Variants in CCSER1 observed in about 807,000 individuals in gnomAD.
The protein encoded by CCSER1 is serine-rich coiled-coil domain-containing protein 1.
CCSER1 carries 41 observed loss-of-function variants against 82.0 expected under a neutral mutation model. That is an observed-to-expected ratio of 0.50 (90% CI 0.39 to 0.65). The LOEUF is 0.65. Ranked by LOEUF, CCSER1 falls within the 30% of genes least tolerant of loss-of-function variation. CCSER1 has a pLI of 0.00. For missense variants in CCSER1, 1,119 were observed against 1,064.2 expected, an observed-to-expected ratio of 1.05 and a Z score of -0.72; for synonymous variants, 414 against 383.9, an observed-to-expected ratio of 1.08 and a Z score of -0.92.
At chr4:90,350,151 G>A (rs763980179) in intron 3 of CCSER1, among the ~76,000 whole-genome samples, 1 of 152,112 alleles carries the variant, frequency 6.6e-6, no homozygotes, top group Non-Finnish European at 1.5e-5. Context: ...ATACATGCTA[G>A]AGGGATGACT....
chr4:91,440,419 A>G (rs1272849906), intron 10 of CCSER1, among the ~76,000 whole-genome samples: 2 of 152,216 alleles, frequency 1.3e-5, no homozygotes. Flanking sequence ...GAAACCAATG[A>G]GAACAAAGAA....
chr4:90,131,532 G>A (rs1457272632), intron 1 of CCSER1, among the ~76,000 whole-genome samples: 1 of 152,116 alleles, frequency 6.6e-6, no homozygotes, highest in African/African-American at 2.4e-5. Flanking sequence ...AGTATTAATA[G>A]TGAGCATCTA....
chr4:91,437,975 A>T (rs113391106), intron 10 of CCSER1, among the ~76,000 whole-genome samples: 1 of 152,160 alleles, frequency 6.6e-6, no homozygotes, highest in African/African-American at 2.4e-5. Flanking sequence ...CAAAGCAGCC[A>T]GGAAGCTCGA....
At chr4:90,823,230 T>TAC (rs921320513) in intron 8 of CCSER1, among the ~76,000 whole-genome samples, 26 of 151,494 alleles carry the variant, frequency 1.7e-4, no homozygotes, top group Middle Eastern at 3.5e-3. Context: ...CACACATACA[T>TAC]ACACACACAC....
intron 4 of CCSER1, among the ~76,000 whole-genome samples, chr4:90,424,739 A>G (rs570258223): frequency 2.0e-5 from 3 of 152,270 alleles, no homozygotes; most frequent in Non-Finnish European, 2.9e-5. Flanking sequence ...CTCTTTCCTG[A>G]TGTGCACATA....
intron 9 of CCSER1, among the ~76,000 whole-genome samples, chr4:91,025,657 G>A (rs556002241): frequency 7.2e-5 from 11 of 152,152 alleles, no homozygotes; most frequent in Non-Finnish European, 1.6e-4. Context: ...CTGTGCCAAG[G>A]ACAGCAGGAT....
intron 5 of CCSER1, among the ~76,000 whole-genome samples, chr4:90,598,211 T>C (rs1783579307): frequency 6.6e-6 from 1 of 152,070 alleles, no homozygotes; most frequent in African/African-American, 2.4e-5. Flanking sequence ...ACATAGGACC[T>C]TTGTTCTGTT....
intron 10 of CCSER1, among the ~76,000 whole-genome samples, chr4:91,347,108 A>T (rs1748112773): frequency 6.6e-6 from 1 of 152,070 alleles, no homozygotes; most frequent in Non-Finnish European, 1.5e-5. Flanking sequence ...ATCATTTAGA[A>T]GTTTTATATC....
chr4:90,632,901 A>G (rs1210503302), intron 6 of CCSER1, among the ~76,000 whole-genome samples: 3 of 152,094 alleles, frequency 2.0e-5, no homozygotes, highest in African/African-American at 7.2e-5. Flanking sequence ...CACCTATCAA[A>G]TCAATTTACT....
At chr4:91,470,302 G>A (rs1757190463) in intron 10 of CCSER1, among the ~76,000 whole-genome samples, 1 of 152,098 alleles carries the variant, frequency 6.6e-6, no homozygotes, top group East Asian at 1.9e-4. Flanking sequence ...AAGCTAATAT[G>A]CTAATGGAGA....
intron 1 of CCSER1, among the ~76,000 whole-genome samples, chr4:90,233,013 G>T (rs1168297760): frequency 2.8e-4 from 43 of 151,792 alleles, no homozygotes; most frequent in Non-Finnish European, 3.8e-4. Context: ...GGAACACTTT[G>T]ACACTGTTGG....
intron 4 of CCSER1, among the ~76,000 whole-genome samples, chr4:90,467,845 C>A (rs1034022843): frequency 3.3e-5 from 5 of 152,044 alleles, no homozygotes; most frequent in African/African-American, 1.2e-4. Context: ...GAAGGGGTAC[C>A]ACAGGAGGAT....
chr4:91,507,964 A>G (rs1386353645), intron 10 of CCSER1, among the ~76,000 whole-genome samples: 1 of 148,948 alleles, frequency 6.7e-6, no homozygotes, highest in African/African-American at 2.4e-5. Context: ...TAGTTCTAAT[A>G]AGCTCTTCAT....
chr4:91,035,110 GATAAA>G (rs1741321366), intron 9 of CCSER1, among the ~76,000 whole-genome samples: 2 of 152,130 alleles, frequency 1.3e-5, no homozygotes, highest in South Asian at 4.2e-4. Context: ...AGTGGTCAAA[GATAAA>G]ATAAGAAATA....
chr4:90,787,151 T>C (rs980372630), intron 7 of CCSER1, among the ~76,000 whole-genome samples: 5 of 152,196 alleles, frequency 3.3e-5, no homozygotes, highest in African/African-American at 1.2e-4. Context: ...TAGAACTTAG[T>C]TCTCTTGGAT....
At chr4:91,199,972 T>G (rs1407227868) in intron 10 of CCSER1, among the ~76,000 whole-genome samples, 2 of 152,052 alleles carry the variant, frequency 1.3e-5, no homozygotes, top group African/African-American at 4.8e-5. Flanking sequence ...ATTCAGAGAA[T>G]TGTCTTTTTT....
At chr4:90,156,504 G>A (rs1418924318) in intron 1 of CCSER1, among the ~76,000 whole-genome samples, 1 of 152,178 alleles carries the variant, frequency 6.6e-6, no homozygotes, top group African/African-American at 2.4e-5. Flanking sequence ...ATGTTTGGGA[G>A]TCTAAGTCTC....
At position 91,552,213 on chromosome 4, in the gene CCSER1, A is replaced by G. The variant is rs141032512; in HGVS notation, c.2218-46359A>G. 3.1e-4 allele frequency among the ~76,000 whole-genome samples: 47 copies of G among 151,878 alleles called. No homozygotes were observed. The East Asian group carries it at 7.9e-3, about 26-fold the overall frequency. ...TTACAGCCCAATAACATTTTATTCA[A>G]TGATGCTGAGTTAGAATCCAATGTG... On this transcript the variant is annotated intron_variant, in intron 10 of 10. Coordinates refer to ENST00000509176, the MANE Select transcript of CCSER1 (RefSeq NM_001145065.2).
At chr4:91,578,147 T>A (rs1468789420) in intron 10 of CCSER1, among the ~76,000 whole-genome samples, 1 of 151,952 alleles carries the variant, frequency 6.6e-6, no homozygotes, top group African/African-American at 2.4e-5. Flanking sequence ...GCTGCTTGCT[T>A]TGCCATGGTA....
Sources: allele counts gnomAD v4.1 joint callset (sites outside exome capture counted in the v4.1 genomes callset), GRCh38; gene constraint gnomAD v4.1.1; transcripts MANE v1.5; gene names NCBI Gene and HGNC (gene_info 2026-07-23, HGNC 2026-07-21).